EFCAB8: variants seen among roughly 807,000 people sequenced by gnomAD.
The protein encoded by EFCAB8 is EF-hand calcium-binding domain-containing protein 8.
A neutral mutation model predicts 116.3 loss-of-function variants in EFCAB8; 100 were observed. That is an observed-to-expected ratio of 0.86 (90% CI 0.73 to 1.02). The LOEUF (loss-of-function observed/expected upper bound fraction) is 1.02. EFCAB8 is among the 50% of genes least tolerant of loss of function. The probability of loss-of-function intolerance (pLI) is 0.00; values close to 1 mark genes in which losing one functional copy is unlikely to be tolerated. For synonymous variants in EFCAB8, 558 were observed against 567.9 expected, an observed-to-expected ratio of 0.98 and a Z score of 0.25; for missense variants, 1,320 against 1,416.9, an observed-to-expected ratio of 0.93 and a Z score of 1.10.
At chr20:32,915,368 A>T (rs769876418) in intron 17 of EFCAB8, among the ~76,000 whole-genome samples, 2 of 152,226 alleles carry the variant, frequency 1.3e-5, no homozygotes, top group Admixed American at 1.3e-4. Flanking sequence ...GTCTCAAAAC[A>T]CTAGAACACA....
intron 22 of EFCAB8, among the ~76,000 whole-genome samples, chr20:32,935,544 T>C (rs1988085458): frequency 2.6e-5 from 4 of 151,458 alleles, no homozygotes; most frequent in Admixed American, 2.6e-4. Flanking sequence ...TTTGCTCTTA[T>C]TGCCCAGACT....
chr20:32,938,484 T>C lies in EFCAB8; in HGVS notation c.2791-5152T>C, dbSNP rs1427680790. Among the ~76,000 whole-genome samples, 2 of 149,834 alleles carry C rather than the reference T, an allele frequency of 1.3e-5. 1 individual carries two copies. Among genetic ancestry groups the C allele is most frequent in the Admixed American group, 1.3e-4 (2 of 15,120 alleles). On this transcript the variant is annotated intron_variant, in intron 22 of 26. Transcript: ENST00000400522. ...GAAAATGAAATAAAAAGTATCTATA[T>C]TGGGGAGGAAGAAGTTAACTATCTC...
chr20:32,912,601 A>G (rs143225006), intron 16 of EFCAB8, among the ~76,000 whole-genome samples, 193 bp from the exon 17 acceptor site: 66 of 151,808 alleles, frequency 4.3e-4, no homozygotes, highest in African/African-American at 1.6e-3. Context: ...ACCCTATCTC[A>G]CTCCCCTAAG....
At chr20:32,923,737 A>T (rs896996967) in intron 20 of EFCAB8, among the ~76,000 whole-genome samples, 1 of 151,448 alleles carries the variant, frequency 6.6e-6, no homozygotes. Flanking sequence ...TTTTCACTTG[A>T]CTCCTCACGG....
chr20:32,928,272 G>T (rs1390099537), intron 20 of EFCAB8, among the ~76,000 whole-genome samples: 3 of 149,342 alleles, frequency 2.0e-5, no homozygotes, highest in African/African-American at 7.5e-5. Flanking sequence ...GTCTTGCTCT[G>T]TCGCCCAGGC....
chr20:32,941,920 A>T (rs770065522), intron 22 of EFCAB8, among the ~76,000 whole-genome samples: 6 of 152,226 alleles, frequency 3.9e-5, no homozygotes, highest in Non-Finnish European at 7.3e-5. Flanking sequence ...ATTCTTTTTC[A>T]CAAATGTTTT....
intron 23 of EFCAB8, among the ~76,000 whole-genome samples, chr20:32,951,154 T>C (rs1435394638): frequency 6.6e-6 from 1 of 152,208 alleles, no homozygotes; most frequent in Non-Finnish European, 1.5e-5. Flanking sequence ...TCTTAAAAAG[T>C]TAAATGTGCC....
chr20:32,879,895 C>A (rs1222910589), intron 5 of EFCAB8, among the ~76,000 whole-genome samples: 1 of 152,170 alleles, frequency 6.6e-6, no homozygotes, highest in Non-Finnish European at 1.5e-5. Flanking sequence ...ACCCCTCAAC[C>A]TCTTCTGTCT....
intron 22 of EFCAB8, among the ~76,000 whole-genome samples, chr20:32,943,233 C>T (rs1419525438): frequency 6.6e-5 from 10 of 152,230 alleles, no homozygotes; most frequent in African/African-American, 2.2e-4. Flanking sequence ...AGTTATTGAA[C>T]ATGTCTGACT....
intron 23 of EFCAB8, among the ~76,000 whole-genome samples, chr20:32,946,393 G>C (rs1224231713): frequency 6.6e-6 from 1 of 152,140 alleles, no homozygotes; most frequent in Admixed American, 6.5e-5. Context: ...AGTGCAGCTG[G>C]TTTTTTGTTT....
rs923805674 is a variant in EFCAB8 at position 32,908,221 on chromosome 20, C to T, written c.1309-54C>T. 18 of 1,247,002 alleles carry T rather than the reference C, an allele frequency of 1.4e-5. No individual in the cohort carries two copies. In the African/African-American group the frequency reaches 1.9e-4, roughly 13 times the overall value. The allele number at this position is 1,247,002 out of a possible 1,614,324, so 77.2% of individuals were successfully genotyped here. A position where few individuals can be genotyped will look rare whatever the true frequency, so the allele number is the denominator to read the frequency against. On this transcript the variant is annotated intron_variant, in intron 13 of 26. Transcript: ENST00000400522. ...GAGGCACCCCCGAGGCTTCAGGAGC[C>T]GGCTACATCCCCGAGACCCATGCTC...
chr20:32,892,504 G>C (rs2146212130), intron 8 of EFCAB8, among the ~76,000 whole-genome samples: 1 of 152,302 alleles, frequency 6.6e-6, no homozygotes, highest in South Asian at 2.1e-4. Context: ...TCAGAGCTTG[G>C]AGTCATTGTC....
At chr20:32,906,812 C>T (rs1341769593) in intron 12 of EFCAB8, 31 bp from the exon 13 acceptor site, 5 of 1,125,248 alleles carry the variant, frequency 4.4e-6, no homozygotes, top group Non-Finnish European at 6.6e-6. Flanking sequence ...AGTGGAGGCC[C>T]CTGGGACTGA....
intron 20 of EFCAB8, among the ~76,000 whole-genome samples, chr20:32,926,667 G>A (rs1250464286): frequency 1.9e-5 from 2 of 104,806 alleles, no homozygotes; most frequent in Admixed American, 1.1e-4. Flanking sequence ...CCCCTCCCCC[G>A]ACCCCACAAC....
rs143721444 is a variant in EFCAB8 at position 32,887,854 on chromosome 20, C to A, written c.568-1447C>A. Among the ~76,000 whole-genome samples, 3 of 152,340 alleles carry A rather than the reference C, an allele frequency of 2.0e-5. No individual in the cohort carries two copies. The East Asian group carries it at 5.8e-4, about 29-fold the overall frequency. The stretch of plus-strand genomic sequence containing the variant: ...TTCAACTTTCATTATTCCATTCATT[C>A]CTCGCAACTTTGCAGAACAAATTAT... On this transcript the variant is annotated intron_variant, in intron 6 of 26. Transcript: ENST00000400522.
intron 1 of EFCAB8, among the ~76,000 whole-genome samples, chr20:32,859,623 A>G (rs983858622): frequency 1.8e-4 from 28 of 152,250 alleles, no homozygotes; most frequent in South Asian, 2.1e-4. Flanking sequence ...TTGTAAGACT[A>G]CTACAAAGAA....
chr20:32,872,278 G>C (rs576134833), intron 3 of EFCAB8, among the ~76,000 whole-genome samples: 2 of 152,284 alleles, frequency 1.3e-5, no homozygotes, highest in South Asian at 4.1e-4. Context: ...ACGCCTCTCT[G>C]TGCCACATTT....
rs1400986083 is a variant in EFCAB8, at chr20:32,904,847, G to T, written c.1089-1715G>T. 2.6e-5 allele frequency among the ~76,000 whole-genome samples: 4 copies of T among 152,254 alleles called. No individual in the cohort carries two copies. The East Asian group carries it at 7.7e-4, about 29-fold the overall frequency. On this transcript the variant is annotated intron_variant, in intron 11 of 26. Coordinates refer to ENST00000400522, the MANE Select transcript of EFCAB8 (RefSeq NM_001143967.2). The stretch of plus-strand genomic sequence containing the variant: ...TTACCCTGTTGGCCAGGCTGGTCTG[G>T]AACTCCTGACCTCAGGTGATCCGGC...
At position 32,907,009 on chromosome 20, in the gene EFCAB8, T is replaced by G; in HGVS notation, c.1308+15T>G. 1 of 1,487,230 alleles carries G rather than the reference T, an allele frequency of 6.7e-7. No homozygotes were observed. Among genetic ancestry groups the G allele is most frequent in the Non-Finnish European group, 9.0e-7 (1 of 1,114,374 alleles). 92.1% of individuals were successfully genotyped at this position (1,487,230 alleles called of 1,614,324 possible). A position where few individuals can be genotyped will look rare whatever the true frequency, so the allele number is the denominator to read the frequency against. On this transcript the variant is annotated intron_variant, in intron 13 of 26. Coordinates refer to ENST00000400522, the MANE Select transcript of EFCAB8 (RefSeq NM_001143967.2). The stretch of plus-strand genomic sequence containing the variant: ...CCAAGGACAAGGTCCGCCCCGACGG[T>G]CCGCCTGACTCCTTCTGTTCCTCAG...
Sources: allele counts gnomAD v4.1 joint callset (sites outside exome capture counted in the v4.1 genomes callset), GRCh38; gene constraint gnomAD v4.1.1; transcripts MANE v1.5; gene names NCBI Gene and HGNC (gene_info 2026-07-23, HGNC 2026-07-21).